The following MINDY4 variants were observed in gnomAD, a reference collection of about 807,000 sequenced individuals.
MINDY4 encodes the protein MINDY lysine 48 deubiquitinase 4.
MINDY4 carries 68 observed loss-of-function variants against 87.0 expected under a neutral mutation model. The ratio of observed to expected loss-of-function variants is 0.78; its 90% confidence interval spans 0.64 to 0.96. The LOEUF is 0.96. Among genes scored for constraint, MINDY4 ranks in the 40% least tolerant of loss-of-function variants. MINDY4 has a pLI of 0.00. For missense variants in MINDY4, 919 were observed against 928.2 expected, an observed-to-expected ratio of 0.99 and a Z score of 0.13; for synonymous variants, 379 against 363.2, an observed-to-expected ratio of 1.04 and a Z score of -0.50.
chr7:30,806,022 T>C (rs997715660), intron 5 of MINDY4, among the ~76,000 whole-genome samples: 1 of 152,174 alleles, frequency 6.6e-6, no homozygotes, highest in Non-Finnish European at 1.5e-5. Flanking sequence ...CGATAATTGA[T>C]GTCTGTAATG....
intron 5 of MINDY4, among the ~76,000 whole-genome samples, chr7:30,812,837 G>A (rs967396112): frequency 8.5e-5 from 13 of 152,088 alleles, no homozygotes; most frequent in Admixed American, 2.0e-4. Flanking sequence ...AAAACTTCTG[G>A]ACCTTTGATT....
At chr7:30,826,380 A>C (rs1788504776) in intron 5 of MINDY4, among the ~76,000 whole-genome samples, 1 of 152,212 alleles carries the variant, frequency 6.6e-6, no homozygotes, top group African/African-American at 2.4e-5. Flanking sequence ...TGAGTGAATA[A>C]ATGAATGAAT....
chr7:30,773,559 G>A (rs1333223502), intron 1 of MINDY4, among the ~76,000 whole-genome samples: 1 of 152,044 alleles, frequency 6.6e-6, no homozygotes, highest in Admixed American at 6.6e-5. Flanking sequence ...GTCTTCCCTC[G>A]GGGGAGTCAT....
Position 30,871,084 on chromosome 7 carries a change from C to T in MINDY4, c.1746-1159C>T, listed in dbSNP as rs188717110. ...TGTACCCCCAAGGGCTGCATGTGACCGCCAGGTTCAGTTGTGACTCCCAGG... is the reference window on the plus strand; with the variant it reads ...TGTACCCCCAAGGGCTGCATGTGACTGCCAGGTTCAGTTGTGACTCCCAGG... On this transcript the variant is annotated intron_variant, in intron 13 of 17. Coordinates refer to ENST00000265299, the MANE Select transcript of MINDY4 (RefSeq NM_032222.3). Among the ~76,000 whole-genome samples the T allele has an allele frequency of 1.5e-3, 221 of 151,846 alleles. 2 individuals are homozygous for T. Among genetic ancestry groups the T allele is most frequent in the African/African-American group, 5.2e-3 (214 of 41,390 alleles).
chr7:30,797,775 G>C (rs1481044299), intron 5 of MINDY4, among the ~76,000 whole-genome samples: 1 of 152,166 alleles, frequency 6.6e-6, no homozygotes, highest in Non-Finnish European at 1.5e-5. Flanking sequence ...TGTGGAAGGA[G>C]GAAGGCAAGT....
Position 30,882,927 on chromosome 7 carries a change from C to T in MINDY4, c.2159C>T (p.Thr720Ile). Residue 720 changes from threonine to isoleucine, a missense_variant, in exon 17 of 18, where the codon ACC becomes ATC. Thr to Ile is a moderately conservative substitution (Grantham distance 89). Coordinates refer to ENST00000265299, the MANE Select transcript of MINDY4 (RefSeq NM_032222.3). ...QEQIRLTIDTTQTISEDTDND... is the reference protein window; with the variant it reads ...QEQIRLTIDTIQTISEDTDND... ...CCTCTCTCCTCCTTCCCAGACACCA[C>T]CCAAACCATCTCTGAGGACACAGAC... is the stretch of plus-strand genomic sequence containing the variant. The T allele has an allele frequency of 6.2e-7, 1 of 1,614,006 alleles. No homozygotes were observed. Among genetic ancestry groups the T allele is most frequent in the Non-Finnish European group, 8.5e-7 (1 of 1,179,936 alleles).
chr7:30,868,919 T>TCAGGGCAGC (rs1034229133), intron 13 of MINDY4, among the ~76,000 whole-genome samples: 2 of 151,290 alleles, frequency 1.3e-5, no homozygotes, highest in Admixed American at 6.6e-5. Flanking sequence ...GAGGTTGGTG[T>TCAGGGCAGC]CAGGGCAGCC....
Position 30,875,449 on chromosome 7 carries a change from A to G in MINDY4, c.1810-46A>G, listed in dbSNP as rs184305804. The G allele has an allele frequency of 3.6e-4, 578 of 1,605,516 alleles. 1 individual carries two copies. Among genetic ancestry groups the G allele is most frequent in the Non-Finnish European group, 4.8e-4 (559 of 1,172,762 alleles). On this transcript the variant is annotated intron_variant, in intron 14 of 17. Transcript: ENST00000265299. The stretch of plus-strand genomic sequence containing the variant: ...CCAGTCTCCTCTCCACTCTTTCAGT[A>G]ACTGATTCAGACTTGATGAGTCTTT...
intron 4 of MINDY4, among the ~76,000 whole-genome samples, chr7:30,790,568 C>T (rs192295283): frequency 3.9e-5 from 6 of 152,072 alleles, no homozygotes; most frequent in East Asian, 1.9e-4. Flanking sequence ...TTCCACCTCC[C>T]GAGTAGCTGA....
chr7:30,822,158 ATTTC>A (rs200549607), intron 5 of MINDY4, among the ~76,000 whole-genome samples: 14,758 of 150,856 alleles, frequency 0.098, 1,058 homozygotes, highest in African/African-American at 0.2. Flanking sequence ...TACCCACAAA[ATTTC>A]TTTCTTTCTT....
chr7:30,880,307 C>A (rs1355767866), intron 15 of MINDY4, among the ~76,000 whole-genome samples: 13 of 145,162 alleles, frequency 9.0e-5, no homozygotes, highest in African/African-American at 3.4e-4. Context: ...CCCGCACCCC[C>A]CCCCACCCCC....
intron 5 of MINDY4, among the ~76,000 whole-genome samples, chr7:30,823,969 A>T (rs1788419453): frequency 6.6e-6 from 1 of 152,126 alleles, no homozygotes; most frequent in Non-Finnish European, 1.5e-5. Context: ...TTAATTTCTT[A>T]TATTCTAGAT....
chr7:30,800,573 T>C lies in MINDY4; in HGVS notation c.1073+8999T>C, dbSNP rs566210360. Among the ~76,000 whole-genome samples the C allele has an allele frequency of 1.1e-4, 17 of 152,228 alleles. No individual in the cohort carries two copies. The South Asian group carries it at 1.7e-3, about 15-fold the overall frequency. The stretch of plus-strand genomic sequence containing the variant: ...CCCTGTGTAATTGGGTGCTAAATTG[T>C]GGCCCTCACAAAGGAGTGGAAGTTC... On this transcript the variant is annotated intron_variant, in intron 5 of 17. Transcript: ENST00000265299.
intron 3 of MINDY4, 42 bp downstream of exon 3, chr7:30,782,254 G>A (rs2128166055): frequency 1.3e-6 from 2 of 1,489,100 alleles, no homozygotes; most frequent in Non-Finnish European, 1.8e-6. Flanking sequence ...TCCTATTGCT[G>A]CCATAACAAA....
At chr7:30,829,354 G>C (rs1488793949) in intron 6 of MINDY4, among the ~76,000 whole-genome samples, 2 of 152,198 alleles carry the variant, frequency 1.3e-5, no homozygotes, top group Non-Finnish European at 2.9e-5. Context: ...TGCAGAAGCA[G>C]CTAGAGACTG....
At chr7:30,858,956 C>T (rs1446410517) in intron 12 of MINDY4, 2 of 640,066 alleles carry the variant, frequency 3.1e-6, no homozygotes, top group Non-Finnish European at 5.9e-6. Context: ...TAGATGCTTG[C>T]ACCATAATGG....
At chr7:30,864,793 T>G (rs1789879102) in intron 13 of MINDY4, among the ~76,000 whole-genome samples, 1 of 152,170 alleles carries the variant, frequency 6.6e-6, no homozygotes, top group African/African-American at 2.4e-5. Flanking sequence ...AGAGCAGATG[T>G]GGGTTTGGGG....
intron 13 of MINDY4, among the ~76,000 whole-genome samples, chr7:30,861,885 C>T (rs920057580): frequency 6.6e-5 from 10 of 152,220 alleles, no homozygotes; most frequent in African/African-American, 2.4e-4. Flanking sequence ...TGACACTCAC[C>T]CTTGGCAGGC....
At chr7:30,864,560 C>T (rs1789869490) in intron 13 of MINDY4, among the ~76,000 whole-genome samples, 1 of 152,276 alleles carries the variant, frequency 6.6e-6, no homozygotes, top group South Asian at 2.1e-4. Context: ...CAGGAAGGTC[C>T]TTCTGCACGG....
Sources: allele counts gnomAD v4.1 joint callset (sites outside exome capture counted in the v4.1 genomes callset), GRCh38; gene constraint gnomAD v4.1.1; transcripts MANE v1.5; gene names NCBI Gene and HGNC (gene_info 2026-07-23, HGNC 2026-07-21).